The following TFCP2L1 variants were observed in gnomAD, a reference collection of about 807,000 sequenced individuals.
TFCP2L1 encodes transcription factor CP2-like protein 1.
A neutral mutation model predicts 72.2 loss-of-function variants in TFCP2L1; 12 were observed. The observed-to-expected ratio is 0.17, with a 90% confidence interval of 0.11 to 0.27. TFCP2L1 has a LOEUF of 0.27. Among genes scored for constraint, TFCP2L1 ranks in the 10% least tolerant of loss-of-function variants. The pLI is 1.00. For missense variants in TFCP2L1, 488 were observed against 624.6 expected (o/e 0.78, Z 2.33); for synonymous variants, 260 against 251.0 (o/e 1.04, Z -0.34).
rs760032332 is a variant in TFCP2L1 at position 121,246,959 on chromosome 2, G to A, written c.516C>T (p.Ile172=). The change falls in exon 6 of 15, where the codon ATC becomes ATT. Residue 172 remains isoleucine, a synonymous_variant. Coordinates refer to ENST00000263707, the MANE Select transcript of TFCP2L1 (RefSeq NM_014553.3). ...RASAFIQVHC[I]STEFTPRKHG... Reference sequence around the variant, plus strand: ...GCTTCCTGGGGGTGAATTCTGTGCTGATGCAGTGTACCTGGGAGGAGAAAC... The same window carrying A: ...GCTTCCTGGGGGTGAATTCTGTGCTAATGCAGTGTACCTGGGAGGAGAAAC... 6.2e-7 allele frequency: 1 copy of A among 1,614,168 alleles called. No individual in the cohort carries two copies. The highest frequency in any genetic ancestry group is 1.1e-5 in the South Asian group (1 of 91,080).
At chr2:121,240,305 A>T in intron 7 of TFCP2L1, 1 of 985,410 alleles carries the variant, frequency 1.0e-6, no homozygotes, top group Non-Finnish European at 1.2e-6. Flanking sequence ...ATGCATGTGG[A>T]GTCTCCCAAA....
chr2:121,270,588 C>G (rs1687026892), intron 2 of TFCP2L1, among the ~76,000 whole-genome samples: 1 of 152,106 alleles, frequency 6.6e-6, no homozygotes, highest in African/African-American at 2.4e-5. Context: ...TGTTCCTCAA[C>G]AGAACAAGCT....
chr2:121,251,219 G>A (rs1464736357), intron 2 of TFCP2L1, among the ~76,000 whole-genome samples: 6 of 151,636 alleles, frequency 4.0e-5, no homozygotes, highest in Non-Finnish European at 7.4e-5. Context: ...TTGTGCCACT[G>A]CACTCCAGCC....
intron 11 of TFCP2L1, among the ~76,000 whole-genome samples, chr2:121,234,468 A>G (rs1024609652): frequency 1.1e-4 from 16 of 152,192 alleles, no homozygotes; most frequent in African/African-American, 3.6e-4. Flanking sequence ...TGTATCAGGT[A>G]TTGTTCTCAG....
At position 121,235,326 on chromosome 2, in the gene TFCP2L1, A is replaced by G. The variant is rs970854425; in HGVS notation, c.1004-15T>C. 2 of 1,613,770 alleles carry G rather than the reference A, an allele frequency of 1.2e-6. No individual in the cohort carries two copies. The highest frequency in any genetic ancestry group is 1.7e-6 in the Non-Finnish European group (2 of 1,179,856). On this transcript the variant is annotated splice_polypyrimidine_tract_variant and intron_variant, in intron 10 of 14. Coordinates refer to ENST00000263707, the MANE Select transcript of TFCP2L1 (RefSeq NM_014553.3). ...CAAGTCAGCACCTAGGCAGGAAAAAAACGGGGATGCCTGTTACATGGAACC... is the reference window on the plus strand; with the variant it reads ...CAAGTCAGCACCTAGGCAGGAAAAAGACGGGGATGCCTGTTACATGGAACC...
chr2:121,224,236 G>A lies in TFCP2L1; in HGVS notation c.*105C>T, dbSNP rs1573351948. On this transcript the variant is annotated 3_prime_UTR_variant, in exon 15 of 15. Coordinates refer to ENST00000263707, the MANE Select transcript of TFCP2L1 (RefSeq NM_014553.3). ...CACAGACTGGGCAGGGTCCCTCCTG[G>A]CCTCAGCTTGCCTGGTGAGGCCACA... is the stretch of plus-strand genomic sequence containing the variant. 2 of 1,355,948 alleles carry A rather than the reference G, an allele frequency of 1.5e-6. No individual in the cohort carries two copies. Among genetic ancestry groups the A allele is most frequent in the East Asian group, 4.7e-5 (2 of 42,698 alleles). 84.0% of individuals were successfully genotyped at this position (1,355,948 alleles called of 1,614,324 possible). A position where few individuals can be genotyped will look rare whatever the true frequency, so the allele number is the denominator to read the frequency against.
rs1325146495 is a variant in TFCP2L1, at chr2:121,248,260, C to G, written c.408G>C (p.Leu136=). 3 of 1,613,600 alleles carry G rather than the reference C, an allele frequency of 1.9e-6. No individual in the cohort carries two copies. The highest frequency in any genetic ancestry group is 1.7e-5 in the Admixed American group (1 of 59,982). ...GDRILDIDIP[L]SVGILDPRAS... ...CCCTGGGGTCCAAGATACCAACAGA[C>G]AGTGGAATATCTGCATACACACACA... The change falls in exon 5 of 15, where the codon CTG becomes CTC. Residue 136 remains leucine (L), a synonymous_variant. Coordinates refer to ENST00000263707, the MANE Select transcript of TFCP2L1 (RefSeq NM_014553.3).
intron 2 of TFCP2L1, among the ~76,000 whole-genome samples, chr2:121,252,672 C>T (rs1326279790): frequency 6.6e-6 from 1 of 152,114 alleles, no homozygotes. Context: ...CACCAAAGCT[C>T]AAAGGTGTGA....
At position 121,231,886 on chromosome 2, in the gene TFCP2L1, C is replaced by G. The variant is rs1686150268; in HGVS notation, c.1281G>C (p.Gln427His). The G allele has an allele frequency of 1.9e-6, 3 of 1,613,502 alleles. No homozygotes were observed. Among genetic ancestry groups the G allele is most frequent in the South Asian group, 2.2e-5 (2 of 91,044 alleles). Residue 427 changes from glutamine to histidine, a missense_variant, in exon 13 of 15, where the codon CAG becomes CAC. Coordinates refer to ENST00000263707, the MANE Select transcript of TFCP2L1 (RefSeq NM_014553.3). The stretch of plus-strand genomic sequence containing the variant: ...CCTGCCGGTAGACTCGGTGGATGTG[C>G]TGGGGGGAGATGCTGTACAGGTTGG... Reference protein sequence around the residue: ...KIANLYSISPQHIHRVYRQGP... With the variant: ...KIANLYSISPHHIHRVYRQGP...
intron 14 of TFCP2L1, 32 bp from the exon 15 acceptor site, chr2:121,224,419 AG>A: frequency 6.2e-7 from 1 of 1,611,490 alleles, no homozygotes; most frequent in Non-Finnish European, 8.5e-7. Context: ...TGTATTTCAC[AG>A]GAAAAAAGGT....
intron 11 of TFCP2L1, 41 bp from the exon 12 acceptor site, chr2:121,234,235 C>T: frequency 6.4e-7 from 1 of 1,566,144 alleles, no homozygotes; most frequent in Non-Finnish European, 8.8e-7. Flanking sequence ...TGTGGTGGAC[C>T]AGGCGCAGTT....
At chr2:121,232,844 C>T (rs10167951) in intron 12 of TFCP2L1, among the ~76,000 whole-genome samples, 17,257 of 152,138 alleles carry the variant, frequency 0.11, 1,727 homozygotes, top group East Asian at 0.38. Flanking sequence ...GACACAGAGA[C>T]GGCCTGCACC....
At chr2:121,263,895 T>C (rs1312173164) in intron 2 of TFCP2L1, among the ~76,000 whole-genome samples, 1 of 152,186 alleles carries the variant, frequency 6.6e-6, no homozygotes, top group Non-Finnish European at 1.5e-5. Flanking sequence ...CTTTTACCAC[T>C]TAAATTCTGA....
chr2:121,280,110 T>C (rs554193390), intron 2 of TFCP2L1, among the ~76,000 whole-genome samples: 36 of 152,026 alleles, frequency 2.4e-4, no homozygotes, highest in Non-Finnish European at 4.7e-4. Context: ...ACCACTATCA[T>C]ACCAGGCACC....
In TFCP2L1 at chr2:121,282,541, A is replaced by C. The variant is rs535099731; in HGVS notation, c.63-1270T>G. On this transcript the variant is annotated intron_variant, in intron 1 of 14. Coordinates refer to ENST00000263707, the MANE Select transcript of TFCP2L1 (RefSeq NM_014553.3). ...TCTAAAAAAAAAAAAAAGGAAAAAGAAAGAAACAAAAAACCCAGCATTTTA... is the reference window on the plus strand; with the variant it reads ...TCTAAAAAAAAAAAAAAGGAAAAAGCAAGAAACAAAAAACCCAGCATTTTA... Among the ~76,000 whole-genome samples, 153 of 151,866 alleles carry C rather than the reference A, an allele frequency of 1.0e-3. 3 individuals carry two copies. In the South Asian group the frequency reaches 0.017, roughly 17 times the overall value.
chr2:121,237,524 A>G, intron 10 of TFCP2L1, 99 bp downstream of exon 10: 2 of 1,374,806 alleles, frequency 1.5e-6, no homozygotes, highest in South Asian at 1.2e-5. Flanking sequence ...AGCTGAAACG[A>G]CAGCGCTGCC....
intron 2 of TFCP2L1, among the ~76,000 whole-genome samples, chr2:121,273,921 G>A (rs933718621): frequency 1.3e-5 from 2 of 151,812 alleles, no homozygotes; most frequent in African/African-American, 2.4e-5. Context: ...GGCTAAACCC[G>A]GTCTCTATTT....
chr2:121,254,579 C>T (rs1449748629), intron 2 of TFCP2L1, among the ~76,000 whole-genome samples: 1 of 152,134 alleles, frequency 6.6e-6, no homozygotes, highest in Non-Finnish European at 1.5e-5. Context: ...AGATGGATTG[C>T]CTGAGGTCAG....
chr2:121,247,407 C>A (rs1487568809), intron 5 of TFCP2L1, among the ~76,000 whole-genome samples: 1 of 152,144 alleles, frequency 6.6e-6, no homozygotes, highest in African/African-American at 2.4e-5. Flanking sequence ...GGAACCATTT[C>A]TGTACTTCTG....
Sources: gnomAD v4.1 joint callset for allele counts (sites outside exome capture counted in the v4.1 genomes callset) on GRCh38, gnomAD v4.1.1 for gene constraint, MANE v1.5 for transcripts, NCBI Gene and HGNC (gene_info 2026-07-23, HGNC 2026-07-21) for gene names.